Variants in PALLD observed in about 807,000 individuals in gnomAD.
The protein encoded by PALLD is palladin, cytoskeletal associated protein.
A neutral mutation model predicts 123.5 loss-of-function variants in PALLD; 61 were observed. That is an observed-to-expected ratio of 0.49 (90% CI 0.40 to 0.61). PALLD has a LOEUF of 0.61. Among genes scored for constraint, PALLD ranks in the 20% least tolerant of loss-of-function variants. The pLI is 0.00. For synonymous variants in PALLD, 465 were observed against 496.4 expected, an observed-to-expected ratio of 0.94 and a Z score of 0.84; for missense variants, 1,273 against 1,377.0, an observed-to-expected ratio of 0.92 and a Z score of 1.20.
At position 168,604,585 on chromosome 4, in the gene PALLD, A is replaced by T. The variant is rs113057179; in HGVS notation, c.909-63605A>T. On this transcript the variant is annotated intron_variant, in intron 2 of 21. Coordinates refer to ENST00000505667, the MANE Select transcript of PALLD (RefSeq NM_001166108.2). ...AGAGAATTTGGAAGACACAAAGAGC[A>T]TATGTCTATAAAGCTTAAGTTTGTT... Among the ~76,000 whole-genome samples, 802 of 152,376 alleles carry T rather than the reference A, an allele frequency of 5.3e-3. 9 individuals are homozygous for T. The highest frequency in any genetic ancestry group is 0.018 in the African/African-American group (758 of 41,588).
intron 2 of PALLD, among the ~76,000 whole-genome samples, chr4:168,565,801 G>C (rs1768314203): frequency 6.6e-6 from 1 of 152,128 alleles, no homozygotes; most frequent in Non-Finnish European, 1.5e-5. Context: ...GTATTGAATT[G>C]AAAGGTAAAG....
At chr4:168,729,548 C>T (rs891180061) in intron 10 of PALLD, among the ~76,000 whole-genome samples, 3 of 152,264 alleles carry the variant, frequency 2.0e-5, no homozygotes, top group Middle Eastern at 3.4e-3. Context: ...AACTCCCTCC[C>T]GGAATTCCCC....
At chr4:168,881,647 C>T (rs1261767989) in intron 10 of PALLD, among the ~76,000 whole-genome samples, 1 of 151,948 alleles carries the variant, frequency 6.6e-6, no homozygotes, top group Admixed American at 6.5e-5. Context: ...ACAAAGCTGT[C>T]AACAGATACA....
rs1003832951 is a variant in PALLD, at chr4:168,711,758, A to C, written c.1799A>C (p.Gln600Pro). ...PELGLSRAAL[Q>P]MQFNAAERET... ...TTAGGCCTGAGCAGGGCAGCCCTTC[A>C]AATGCAATTCAATGCTGCTGAGAGG... The change falls in exon 10 of 22, where the codon CAA (glutamine) becomes CCA (proline). Residue 600 changes from glutamine to proline, a missense_variant. Gln to Pro is a moderately conservative substitution (Grantham distance 76). Coordinates refer to ENST00000505667, the MANE Select transcript of PALLD (RefSeq NM_001166108.2). The C allele has an allele frequency of 3.7e-6, 6 of 1,614,194 alleles. No individual in the cohort carries two copies. The Middle Eastern group carries it at 6.6e-4, about 178-fold the overall frequency.
intron 10 of PALLD, among the ~76,000 whole-genome samples, chr4:168,806,922 A>G (rs999250684): frequency 2.6e-5 from 4 of 152,222 alleles, no homozygotes; most frequent in Non-Finnish European, 5.9e-5. Flanking sequence ...ACACACATTT[A>G]CACACATACA....
intron 2 of PALLD, among the ~76,000 whole-genome samples, chr4:168,622,719 T>G (rs1206944001): frequency 6.6e-6 from 1 of 152,214 alleles, no homozygotes; most frequent in Non-Finnish European, 1.5e-5. Flanking sequence ...CTTTTAAATC[T>G]GAATATCGAT....
At chr4:168,548,710 A>G (rs1247507516) in intron 2 of PALLD, among the ~76,000 whole-genome samples, 2 of 152,186 alleles carry the variant, frequency 1.3e-5, no homozygotes, top group Admixed American at 6.5e-5. Context: ...TGATATAATA[A>G]AGGATAATAA....
chr4:168,717,111 T>C (rs1166642792), intron 10 of PALLD, among the ~76,000 whole-genome samples: 2 of 152,202 alleles, frequency 1.3e-5, no homozygotes, highest in African/African-American at 4.8e-5. Flanking sequence ...CTTTTTGTTT[T>C]TTTTAATTGC....
At chr4:168,867,299 C>T (rs1219810340) in intron 10 of PALLD, among the ~76,000 whole-genome samples, 1 of 152,162 alleles carries the variant, frequency 6.6e-6, no homozygotes, top group East Asian at 1.9e-4. Context: ...TTGGTGCTGG[C>T]AGTAGTAGTA....
At chr4:168,658,514 T>C (rs1214415479) in intron 2 of PALLD, among the ~76,000 whole-genome samples, 1 of 152,186 alleles carries the variant, frequency 6.6e-6, no homozygotes, top group African/African-American at 2.4e-5. Context: ...CTCTAACTCC[T>C]GGGCTGAAGT....
intron 10 of PALLD, among the ~76,000 whole-genome samples, chr4:168,807,015 C>T (rs776587894): frequency 2.0e-5 from 3 of 152,168 alleles, no homozygotes; most frequent in Non-Finnish European, 2.9e-5. Context: ...TGCTGGCACC[C>T]GAGATGCGGA....
At chr4:168,922,921 G>A (rs1035721661) in intron 18 of PALLD, among the ~76,000 whole-genome samples, 3 of 152,094 alleles carry the variant, frequency 2.0e-5, no homozygotes, top group Admixed American at 6.5e-5. Context: ...CTCCAGTCCC[G>A]GCTCTTGTCG....
rs553608414 is a variant in PALLD, at chr4:168,517,033, T to C, written c.908+4621T>C. ...AGTGTGGTGCCAAGGAGCTTGGCAATTGGCCATTGGAAAAGTCCAGGCTGA... is the reference window on the plus strand; with the variant it reads ...AGTGTGGTGCCAAGGAGCTTGGCAACTGGCCATTGGAAAAGTCCAGGCTGA... On this transcript the variant is annotated intron_variant, in intron 2 of 21. Coordinates refer to ENST00000505667, the MANE Select transcript of PALLD (RefSeq NM_001166108.2). Among the ~76,000 whole-genome samples the C allele has an allele frequency of 3.9e-5, 6 of 152,276 alleles. No homozygotes were observed. In the South Asian group the frequency reaches 1.2e-3, roughly 32 times the overall value.
intron 2 of PALLD, chr4:168,631,575 G>A (rs530714077): frequency 9.1e-6 from 9 of 984,576 alleles, no homozygotes; most frequent in African/African-American, 8.7e-5. Context: ...CCGGCACTCC[G>A]ACACACTCCG....
chr4:168,708,309 T>C (rs1784410864), intron 8 of PALLD, among the ~76,000 whole-genome samples: 1 of 152,138 alleles, frequency 6.6e-6, no homozygotes, highest in Admixed American at 6.5e-5. Flanking sequence ...AATAACCGTG[T>C]GGTGGTTAAT....
chr4:168,655,362 G>A (rs1778452699), intron 2 of PALLD, among the ~76,000 whole-genome samples: 1 of 152,226 alleles, frequency 6.6e-6, no homozygotes, highest in East Asian at 1.9e-4. Flanking sequence ...ACAGTTTTAA[G>A]TTCGTGTGCA....
chr4:168,599,250 C>G (rs564282536), intron 2 of PALLD, among the ~76,000 whole-genome samples: 1 of 152,272 alleles, frequency 6.6e-6, no homozygotes, highest in East Asian at 1.9e-4. Flanking sequence ...TTTAAGGGCT[C>G]ATGCAGGGCC....
chr4:168,895,523 TAGTC>T (rs1754940975), intron 12 of PALLD, among the ~76,000 whole-genome samples: 1 of 152,268 alleles, frequency 6.6e-6, no homozygotes, highest in African/African-American at 2.4e-5. Flanking sequence ...TTATAGACTG[TAGTC>T]TTAAAGTAAG....
intron 2 of PALLD, among the ~76,000 whole-genome samples, chr4:168,615,683 G>A (rs4530593): frequency 2.0e-5 from 3 of 152,244 alleles, no homozygotes; most frequent in East Asian, 1.9e-4. Flanking sequence ...TCTGAAAGGC[G>A]ATGTTGCTGC....
Sources: allele counts gnomAD v4.1 joint callset (sites outside exome capture counted in the v4.1 genomes callset), GRCh38; gene constraint gnomAD v4.1.1; transcripts MANE v1.5; gene names NCBI Gene and HGNC (gene_info 2026-07-23, HGNC 2026-07-21).